Variants in PITPNM2 observed in about 807,000 individuals in gnomAD.
PITPNM2 encodes phosphatidylinositol transfer protein membrane associated 2.
PITPNM2 carries 35 observed loss-of-function variants against 132.2 expected under a neutral mutation model. The ratio of observed to expected loss-of-function variants is 0.26; its 90% CI spans 0.20 to 0.35. The LOEUF (loss-of-function observed/expected upper bound fraction) is 0.35. Ranked by LOEUF, PITPNM2 falls within the 10% of genes least tolerant of loss-of-function variation. The pLI is 1.00. For missense variants in PITPNM2, 1,332 were observed against 1,912.0 expected, an observed-to-expected ratio of 0.70 and a Z score of 5.66; for synonymous variants, 738 against 799.2, an observed-to-expected ratio of 0.92 and a Z score of 1.29.
intron 2 of PITPNM2, among the ~76,000 whole-genome samples, chr12:123,085,701 A>G (rs1377132743): frequency 2.6e-5 from 4 of 152,242 alleles, no homozygotes; most frequent in African/African-American, 9.6e-5. Context: ...AAAAAAATAC[A>G]AGGAGAAAAA....
Position 122,996,881 on chromosome 12 carries a change from C to T in PITPNM2, c.1502G>A (p.Cys501Tyr). Residue 501 changes from cysteine (C) to tyrosine (Y), a missense_variant, in exon 12 of 26, where the codon TGT (cysteine) becomes TAT (tyrosine). Physicochemically the swap from Cys to Tyr is radical, Grantham distance 194. Coordinates refer to ENST00000320201, the MANE Select transcript of PITPNM2 (RefSeq NM_020845.3). ...NLSPYSHDEG[C>Y]LSSSQDHIPL... The stretch of plus-strand genomic sequence containing the variant: ...AATGTGGTCCTGACTGCTGGACAGA[C>T]AGCCTTCGTCATGGCTGTAGGGGCT... The T allele has an allele frequency of 6.3e-7, 1 of 1,584,114 alleles. No individual in the cohort carries two copies. The highest frequency in any genetic ancestry group is 8.5e-7 in the Non-Finnish European group (1 of 1,172,036).
At chr12:123,140,843 T>C (rs1262481087) in intron 1 of PITPNM2, among the ~76,000 whole-genome samples, 1 of 152,008 alleles carries the variant, frequency 6.6e-6, no homozygotes, top group Non-Finnish European at 1.5e-5. Flanking sequence ...TCCCAGAGCA[T>C]GTAATCCTGT....
intron 2 of PITPNM2, among the ~76,000 whole-genome samples, chr12:123,093,268 T>C (rs2137131865): frequency 6.6e-6 from 1 of 152,306 alleles, no homozygotes; most frequent in African/African-American, 2.4e-5. Context: ...TTTGGTGTGA[T>C]GAAAATGTTT....
chr12:122,988,513 G>A (rs1272785573), intron 19 of PITPNM2, among the ~76,000 whole-genome samples, 163 bp from the exon 20 acceptor site: 6 of 152,124 alleles, frequency 3.9e-5, no homozygotes, highest in South Asian at 2.1e-4. Context: ...ACCCCTGTTC[G>A]TTCACCTGAC....
At chr12:122,999,582 TCTGA>T (rs1450703104) in intron 10 of PITPNM2, among the ~76,000 whole-genome samples, 1 of 152,086 alleles carries the variant, frequency 6.6e-6, no homozygotes, top group Non-Finnish European at 1.5e-5. Flanking sequence ...CATAGGCCTG[TCTGA>T]CTGGGCTCAG....
At chr12:123,146,895 C>T (rs1482343355) in intron 1 of PITPNM2, among the ~76,000 whole-genome samples, 1 of 152,188 alleles carries the variant, frequency 6.6e-6, no homozygotes, top group Non-Finnish European at 1.5e-5. Context: ...ATTCTGCCAG[C>T]CTCTGCCTCT....
chr12:123,063,452 G>C (rs1040890910), intron 2 of PITPNM2, among the ~76,000 whole-genome samples: 1 of 152,194 alleles, frequency 6.6e-6, no homozygotes, highest in Admixed American at 6.6e-5. Flanking sequence ...CTGGTGCTTA[G>C]GAAGTGCTTG....
At chr12:123,148,141 A>T (rs929078407) in intron 1 of PITPNM2, among the ~76,000 whole-genome samples, 9 of 152,226 alleles carry the variant, frequency 5.9e-5, no homozygotes, top group African/African-American at 2.2e-4. Flanking sequence ...TACCAGTAAA[A>T]GCTTAATAAA....
At chr12:123,096,870 G>A (rs2137175546) in intron 2 of PITPNM2, among the ~76,000 whole-genome samples, 1 of 152,280 alleles carries the variant, frequency 6.6e-6, no homozygotes, top group South Asian at 2.1e-4. Flanking sequence ...AGGCCCAGCA[G>A]GTCTCCCCGG....
In PITPNM2 at chr12:123,005,657, G is replaced by A. The variant is rs2038897081; in HGVS notation, c.644-109C>T. Reference sequence around the variant, plus strand: ...AGGGGCTTTGGGAGGCTGTACCCATGTTGCAGGTCAAACTAAAGTCACTGC... The same window carrying A: ...AGGGGCTTTGGGAGGCTGTACCCATATTGCAGGTCAAACTAAAGTCACTGC... On this transcript the variant is annotated intron_variant, in intron 6 of 25. Coordinates refer to ENST00000320201, the MANE Select transcript of PITPNM2 (RefSeq NM_020845.3). The surrounding 1 kb of genome is among the most constrained non-coding windows in gnomAD (Gnocchi z 6.2). 2.7e-6 allele frequency: 3 copies of A among 1,125,724 alleles called. No homozygotes were observed. The Admixed American group carries it at 6.8e-5, about 25-fold the overall frequency. 69.7% of individuals were successfully genotyped at this position (1,125,724 alleles called of 1,614,324 possible).
At position 123,099,659 on chromosome 12, in the gene PITPNM2, TCCTGGCTCCTGGATG is replaced by T. The variant is rs1418967543; in HGVS notation, c.-96+10711_-96+10725del. On this transcript the variant is annotated intron_variant, in intron 2 of 25. Coordinates refer to ENST00000320201, the MANE Select transcript of PITPNM2 (RefSeq NM_020845.3). This position sits in a 1 kb window ranked among gnomAD's most constrained non-coding sequence, Gnocchi z 4.2. ...CTGTTTTTTTAATGACCCAAACAGC[TCCTGGCTCCTGGATG>T]CCTGGCTCCAGGTCCCACTGTGTGC... 2.0e-5 allele frequency among the ~76,000 whole-genome samples: 3 copies of T among 152,100 alleles called. No homozygotes were observed. Among genetic ancestry groups the T allele is most frequent in the Non-Finnish European group, 2.9e-5 (2 of 68,022 alleles).
At chr12:123,147,478 A>G (rs1407413599) in intron 1 of PITPNM2, among the ~76,000 whole-genome samples, 1 of 152,102 alleles carries the variant, frequency 6.6e-6, no homozygotes, top group Non-Finnish European at 1.5e-5. Context: ...GTTACTTACT[A>G]TATTTAATTC....
At chr12:123,052,252 G>A (rs954563596) in intron 2 of PITPNM2, among the ~76,000 whole-genome samples, 3 of 151,852 alleles carry the variant, frequency 2.0e-5, no homozygotes, top group Non-Finnish European at 2.9e-5. Flanking sequence ...TTCTTACCCC[G>A]GAATAGACAG....
At chr12:123,021,641 C>G in intron 3 of PITPNM2, 1 of 982,326 alleles carries the variant, frequency 1.0e-6, no homozygotes, top group Non-Finnish European at 1.2e-6. Flanking sequence ...CCTTGAACAG[C>G]AAGCTGCCCT....
chr12:123,147,926 T>TC (rs2043651309), intron 1 of PITPNM2, among the ~76,000 whole-genome samples: 1 of 152,188 alleles, frequency 6.6e-6, no homozygotes, highest in African/African-American at 2.4e-5. Flanking sequence ...GTGTTTTCCT[T>TC]CCCCACTTTC....
Position 123,036,901 on chromosome 12 carries a change from C to T in PITPNM2, c.-95-2216G>A, listed in dbSNP as rs1295063782. On this transcript the variant is annotated intron_variant, in intron 2 of 25. Transcript: ENST00000320201. The surrounding 1 kb of genome is among the most constrained non-coding windows in gnomAD (Gnocchi z 4.1). ...CAGCCTTTCTGATCCCTGATCAACC[C>T]CAAAGCTCCCCAGAGGCTGTGCTCA... Among the ~76,000 whole-genome samples, 1 of 152,212 alleles carries T rather than the reference C, an allele frequency of 6.6e-6. No individual in the cohort carries two copies. The highest frequency in any genetic ancestry group is 2.4e-5 in the African/African-American group (1 of 41,452).
intron 1 of PITPNM2, among the ~76,000 whole-genome samples, chr12:123,148,950 G>T (rs936566921): frequency 1.3e-5 from 2 of 152,152 alleles, no homozygotes; most frequent in Non-Finnish European, 2.9e-5. Flanking sequence ...GGAGCACCAT[G>T]CCTTTGAAAG....
At position 122,988,832 on chromosome 12, in the gene PITPNM2, G is replaced by A. The variant is rs1267245830; in HGVS notation, c.2772C>T (p.Ala924=). 1 of 1,581,942 alleles carries A rather than the reference G, an allele frequency of 6.3e-7. No homozygotes were observed. Among genetic ancestry groups the A allele is most frequent in the Non-Finnish European group, 8.6e-7 (1 of 1,164,098 alleles). Residue 924 remains alanine (A), a synonymous_variant, in exon 19 of 26, where the codon GCC becomes GCT. Transcript: ENST00000320201. ...CCGTGAGGGCGTCAGGGCAGTACAG[G>A]GCGTAGTCGATCCGCTTCTGGCCCC... ...KWWGQKRIDY[A]LYCPDALTAF... is the part of the protein sequence containing the mutation.
chr12:123,015,257 C>T (rs957627570), intron 3 of PITPNM2, among the ~76,000 whole-genome samples: 1 of 152,146 alleles, frequency 6.6e-6, no homozygotes, highest in Non-Finnish European at 1.5e-5. Context: ...CAAAACCAAG[C>T]TGGAGGACTC....
Sources: gnomAD v4.1 joint callset for allele counts (sites outside exome capture counted in the v4.1 genomes callset) on GRCh38, gnomAD v4.1.1 for gene constraint, Gnocchi (gnomAD v3.1) non-coding constraint, MANE v1.5 for transcripts, NCBI Gene and HGNC (gene_info 2026-07-23, HGNC 2026-07-21) for gene names.